Variants in AP3B1 observed in about 807,000 individuals in gnomAD.
AP3B1 encodes the protein adaptor related protein complex 3 subunit beta 1.
AP3B1 carries 61 observed loss-of-function variants against 132.5 expected under a neutral mutation model. The observed-to-expected ratio is 0.46, with a 90% confidence interval of 0.37 to 0.57. The LOEUF (loss-of-function observed/expected upper bound fraction) is 0.57. Among genes scored for constraint, AP3B1 ranks in the 20% least tolerant of loss-of-function variants. The pLI, the probability that AP3B1 is intolerant of heterozygous loss-of-function variation, is 0.00. For missense variants in AP3B1, 1,120 were observed against 1,289.4 expected (o/e 0.87, Z 2.01); for synonymous variants, 388 against 438.3 (o/e 0.89, Z 1.43).
intron 7 of AP3B1, among the ~76,000 whole-genome samples, chr5:78,188,533 T>A (rs190950526): frequency 6.6e-6 from 1 of 152,144 alleles, no homozygotes; most frequent in African/African-American, 2.4e-5. Flanking sequence ...CAATTAGATA[T>A]CATTTCATAC....
intron 22 of AP3B1, among the ~76,000 whole-genome samples, chr5:78,071,736 T>C (rs566834066): frequency 3.9e-5 from 6 of 152,326 alleles, no homozygotes; most frequent in African/African-American, 1.4e-4. Flanking sequence ...AAAAAGGTCC[T>C]GTTCTATCTT....
At chr5:78,054,501 A>G (rs1419163267) in intron 22 of AP3B1, among the ~76,000 whole-genome samples, 2 of 140,134 alleles carry the variant, frequency 1.4e-5, no homozygotes, top group East Asian at 4.1e-4. Context: ...GGTAGTAACA[A>G]TGATTTCGTC....
chr5:78,279,566 TC>T (rs1378497729), intron 1 of AP3B1, among the ~76,000 whole-genome samples: 1 of 151,910 alleles, frequency 6.6e-6, no homozygotes, highest in African/African-American at 2.4e-5. Context: ...TTCTTCCTAT[TC>T]ACCATACTAC....
intron 12 of AP3B1, among the ~76,000 whole-genome samples, chr5:78,165,218 G>A (rs1580430869): frequency 6.6e-6 from 1 of 152,052 alleles, no homozygotes; most frequent in South Asian, 2.1e-4. Flanking sequence ...GAGGCTAAGG[G>A]GGCAGTGTCA....
intron 24 of AP3B1, among the ~76,000 whole-genome samples, chr5:78,028,385 A>T (rs11948861): frequency 0.26 from 38,929 of 151,380 alleles, 5,879 homozygotes; most frequent in Middle Eastern, 0.35. Context: ...AATCGCTTGA[A>T]CCAAGGAGGC....
chr5:78,133,233 C>T (rs1009554790), intron 15 of AP3B1, among the ~76,000 whole-genome samples: 1 of 152,186 alleles, frequency 6.6e-6, no homozygotes, highest in Non-Finnish European at 1.5e-5. Context: ...TTCCCACCTG[C>T]TTTGTCAGAG....
chr5:78,179,955 T>C (rs529661543), intron 8 of AP3B1, among the ~76,000 whole-genome samples: 2 of 152,288 alleles, frequency 1.3e-5, no homozygotes, highest in Admixed American at 1.3e-4. Context: ...CTGCCACTAT[T>C]TGTTTCACTA....
chr5:78,064,535 A>C (rs1012534180), intron 22 of AP3B1, among the ~76,000 whole-genome samples: 5 of 152,304 alleles, frequency 3.3e-5, no homozygotes, highest in Middle Eastern at 3.4e-3. Flanking sequence ...TTTTAGGGTC[A>C]ATGAATATGT....
chr5:78,256,728 A>T (rs1306554529), intron 2 of AP3B1, among the ~76,000 whole-genome samples: 1 of 152,096 alleles, frequency 6.6e-6, no homozygotes, highest in Non-Finnish European at 1.5e-5. Context: ...AAAGAAAATG[A>T]CACCCCAATA....
At chr5:78,014,955 C>A (rs1007786954) in intron 26 of AP3B1, among the ~76,000 whole-genome samples, 1 of 152,126 alleles carries the variant, frequency 6.6e-6, no homozygotes, top group Non-Finnish European at 1.5e-5. Flanking sequence ...CATCTAGCAG[C>A]TCTTTATTTA....
chr5:78,294,672 T>C lies in AP3B1; in HGVS notation c.-93A>G. 3 of 1,592,042 alleles carry C rather than the reference T, an allele frequency of 1.9e-6. No homozygotes were observed. Among genetic ancestry groups the C allele is most frequent in the Non-Finnish European group, 2.6e-6 (3 of 1,169,394 alleles). ...GGGCACGGAACAAAACTAGTTCTCG[T>C]ACGGAGGAGCGCGCGCAGGCGCTTC... On this transcript the variant is annotated 5_prime_UTR_variant, in exon 1 of 27. Coordinates refer to ENST00000255194, the MANE Select transcript of AP3B1 (RefSeq NM_003664.5).
intron 22 of AP3B1, among the ~76,000 whole-genome samples, chr5:78,053,665 C>G (rs1392472040): frequency 3.4e-5 from 4 of 116,956 alleles, no homozygotes; most frequent in African/African-American, 1.3e-4. Context: ...GGTGATAGAG[C>G]AAGACTCCAT....
At chr5:78,017,732 T>G (rs962097337) in intron 25 of AP3B1, among the ~76,000 whole-genome samples, 4 of 151,958 alleles carry the variant, frequency 2.6e-5, no homozygotes, top group African/African-American at 9.7e-5. Flanking sequence ...TCATTAAAAG[T>G]TCCTCCTAAA....
At chr5:78,177,267 A>C in intron 9 of AP3B1, 72 bp downstream of exon 9, 2 of 1,030,660 alleles carry the variant, frequency 1.9e-6, no homozygotes, top group Non-Finnish European at 1.5e-6. Flanking sequence ...AAATGCCTGA[A>C]AGATTACATT....
intron 21 of AP3B1, among the ~76,000 whole-genome samples, chr5:78,096,156 G>A (rs1388553285): frequency 3.3e-5 from 5 of 152,182 alleles, no homozygotes; most frequent in Admixed American, 1.3e-4. Flanking sequence ...GATGGCAGGC[G>A]CGCGCCGCCA....
intron 22 of AP3B1, among the ~76,000 whole-genome samples, chr5:78,044,615 A>G (rs949421252): frequency 6.6e-6 from 1 of 152,218 alleles, no homozygotes; most frequent in Non-Finnish European, 1.5e-5. Context: ...GTGGGACTAG[A>G]GCAGAACAGA....
chr5:78,167,683 G>A (rs1743701690), intron 11 of AP3B1, among the ~76,000 whole-genome samples: 1 of 151,452 alleles, frequency 6.6e-6, no homozygotes, highest in Admixed American at 6.6e-5. Context: ...ATACTGCTCA[G>A]CTATAAAAAA....
intron 26 of AP3B1, among the ~76,000 whole-genome samples, chr5:78,006,759 T>G (rs1259478996): frequency 6.6e-6 from 1 of 152,198 alleles, no homozygotes; most frequent in African/African-American, 2.4e-5. Context: ...TTCATTTCAT[T>G]CTATCACCAA....
chr5:78,294,347 C>T, intron 1 of AP3B1, 105 bp downstream of exon 1: 1 of 1,555,030 alleles, frequency 6.4e-7, no homozygotes, highest in Non-Finnish European at 8.8e-7. Context: ...CCTGCTCAGA[C>T]CTCAGGGCGA....
Sources: allele counts gnomAD v4.1 joint callset (sites outside exome capture counted in the v4.1 genomes callset), GRCh38; gene constraint gnomAD v4.1.1; transcripts MANE v1.5; gene names NCBI Gene and HGNC (gene_info 2026-07-23, HGNC 2026-07-21).